KCNIP1: variants seen among roughly 807,000 people sequenced by gnomAD.
KCNIP1 encodes potassium voltage-gated channel interacting protein 1, also known as A-type potassium channel modulatory protein KCNIP1.
KCNIP1 carries 18 observed loss-of-function variants against 33.0 expected under a neutral mutation model. The ratio of observed to expected loss-of-function variants is 0.55; its 90% CI spans 0.38 to 0.81. The LOEUF is 0.81. Among genes scored for constraint, KCNIP1 ranks in the 30% least tolerant of loss-of-function variants. The pLI is 0.00. For missense variants in KCNIP1, 238 were observed against 271.6 expected (o/e 0.88, Z 0.87); for synonymous variants, 93 against 98.3 (o/e 0.95, Z 0.32).
intron 1 of KCNIP1, among the ~76,000 whole-genome samples, chr5:170,699,181 G>A (rs185790326): frequency 2.6e-5 from 4 of 152,228 alleles, no homozygotes; most frequent in South Asian, 2.1e-4. Flanking sequence ...AAAAAAGAAC[G>A]TAACAGCCAT....
intron 1 of KCNIP1, among the ~76,000 whole-genome samples, chr5:170,475,057 C>A (rs1756823715): frequency 6.6e-6 from 1 of 152,144 alleles, no homozygotes; most frequent in South Asian, 2.1e-4. Context: ...GCTGATTGGT[C>A]TATTTTACAA....
At chr5:170,542,807 C>A (rs1377534321) in intron 1 of KCNIP1, among the ~76,000 whole-genome samples, 1 of 152,196 alleles carries the variant, frequency 6.6e-6, no homozygotes, top group East Asian at 1.9e-4. Flanking sequence ...CTCGTTCACT[C>A]GCTCAAAATA....
chr5:170,456,384 G>T (rs1373332199), intron 1 of KCNIP1, among the ~76,000 whole-genome samples: 5 of 152,026 alleles, frequency 3.3e-5, no homozygotes, highest in Non-Finnish European at 7.4e-5. Flanking sequence ...CTAGATGACA[G>T]GTTGATAGGT....
At chr5:170,463,993 A>G (rs1177488033) in intron 1 of KCNIP1, among the ~76,000 whole-genome samples, 1 of 152,164 alleles carries the variant, frequency 6.6e-6, no homozygotes, top group Admixed American at 6.5e-5. Flanking sequence ...TAAAATTCCT[A>G]TACACTAGTA....
At chr5:170,362,510 A>G (rs576515933) in intron 1 of KCNIP1, among the ~76,000 whole-genome samples, 2 of 152,200 alleles carry the variant, frequency 1.3e-5, no homozygotes, top group South Asian at 2.1e-4. Context: ...CATCCCCTAA[A>G]CCGTTACCCA....
chr5:170,533,794 G>T (rs1187175808), intron 1 of KCNIP1, among the ~76,000 whole-genome samples: 1 of 152,162 alleles, frequency 6.6e-6, no homozygotes, highest in Non-Finnish European at 1.5e-5. Flanking sequence ...TCTCCTATTA[G>T]ATTGCAATTC....
intron 1 of KCNIP1, among the ~76,000 whole-genome samples, chr5:170,649,679 A>C (rs1478691749): frequency 7.7e-6 from 1 of 129,102 alleles, no homozygotes; most frequent in Non-Finnish European, 1.7e-5. Flanking sequence ...ACTCACACAA[A>C]GGCATTTTTT....
intron 1 of KCNIP1, among the ~76,000 whole-genome samples, chr5:170,661,339 G>T (rs1473856971): frequency 6.6e-6 from 1 of 152,208 alleles, no homozygotes; most frequent in African/African-American, 2.4e-5. Flanking sequence ...GACTCAGAAT[G>T]TCACATCCAT....
chr5:170,705,570 T>C (rs1378199285), intron 1 of KCNIP1, among the ~76,000 whole-genome samples: 2 of 152,208 alleles, frequency 1.3e-5, no homozygotes, highest in Non-Finnish European at 2.9e-5. Flanking sequence ...ACAGACCCCC[T>C]GTTCTGTTCC....
At chr5:170,534,489 GAGGAGGAGGAGA>G (rs1488247001) in intron 1 of KCNIP1, among the ~76,000 whole-genome samples, 2 of 135,236 alleles carry the variant, frequency 1.5e-5, no homozygotes, top group African/African-American at 6.8e-5. Context: ...GGAGGAGGAG[GAGGAGGAGGAGA>G]AGGAGGAGAA....
chr5:170,643,565 G>T (rs1460379013), intron 1 of KCNIP1, among the ~76,000 whole-genome samples: 1 of 152,190 alleles, frequency 6.6e-6, no homozygotes, highest in African/African-American at 2.4e-5. Flanking sequence ...GGGACCAGAT[G>T]CATAATAGGT....
chr5:170,603,325 G>A (rs1366199093), intron 1 of KCNIP1, among the ~76,000 whole-genome samples: 1 of 152,216 alleles, frequency 6.6e-6, no homozygotes, highest in African/African-American at 2.4e-5. Context: ...CTCTGGCGGG[G>A]AGGAGGGGCT....
chr5:170,445,323 T>A (rs1373567101), intron 1 of KCNIP1, among the ~76,000 whole-genome samples: 3 of 152,228 alleles, frequency 2.0e-5, no homozygotes, highest in Non-Finnish European at 1.5e-5. Context: ...AATGAATAGA[T>A]GGTCCTTGCT....
chr5:170,606,774 G>C (rs915195517), intron 1 of KCNIP1, among the ~76,000 whole-genome samples: 2 of 152,204 alleles, frequency 1.3e-5, no homozygotes, highest in African/African-American at 4.8e-5. Flanking sequence ...CGTCCCTGCA[G>C]TGTCCCAGGC....
chr5:170,412,720 C>A (rs1222237653), intron 1 of KCNIP1, among the ~76,000 whole-genome samples: 1 of 152,168 alleles, frequency 6.6e-6, no homozygotes, highest in African/African-American at 2.4e-5. Context: ...TGCTTTTTCT[C>A]TGCTGCCTCT....
chr5:170,399,654 T>C (rs771737443), intron 1 of KCNIP1, among the ~76,000 whole-genome samples: 1 of 152,246 alleles, frequency 6.6e-6, no homozygotes, highest in Non-Finnish European at 1.5e-5. Context: ...GAATATACTA[T>C]ACAATTTAAA....
At chr5:170,573,899 T>C (rs1757506100) in intron 1 of KCNIP1, among the ~76,000 whole-genome samples, 2 of 152,044 alleles carry the variant, frequency 1.3e-5, no homozygotes, top group Admixed American at 1.3e-4. Flanking sequence ...TAGTGGCTTA[T>C]GTTTGTGCTT....
intron 1 of KCNIP1, among the ~76,000 whole-genome samples, chr5:170,366,298 G>A (rs533381465): frequency 6.6e-6 from 1 of 152,338 alleles, no homozygotes; most frequent in South Asian, 2.1e-4. Flanking sequence ...AGTCCACCGG[G>A]GGCTCAACAG....
At chr5:170,503,936 C>A (rs1355894283), upstream of KCNIP1, 2 of 537,008 alleles carry the variant, frequency 3.7e-6, no homozygotes, top group Non-Finnish European at 4.8e-6. Flanking sequence ...GCGTCCCCCG[C>A]CCCCACCGTG....
Sources: allele counts gnomAD v4.1 joint callset (sites outside exome capture counted in the v4.1 genomes callset), GRCh38; gene constraint gnomAD v4.1.1; transcripts MANE v1.5; gene names NCBI Gene and HGNC (gene_info 2026-07-23, HGNC 2026-07-21).